SLC22A3: variants seen among roughly 807,000 people sequenced by gnomAD.
SLC22A3 encodes EMT organic cation transporter 3.
In SLC22A3, 51 loss-of-function variants were observed where a neutral mutation model predicts 59.1. That is an observed-to-expected ratio of 0.86 (90% confidence interval 0.69 to 1.09). The LOEUF is 1.09. Ranked by LOEUF, SLC22A3 falls within the 50% of genes least tolerant of loss-of-function variation. SLC22A3 has a pLI of 0.00. For synonymous variants in SLC22A3, 325 were observed against 292.0 expected (o/e 1.11, Z -1.15); for missense variants, 711 against 726.3 (o/e 0.98, Z 0.24).
At chr6:160,349,561 G>T (rs1234186859) in intron 1 of SLC22A3, among the ~76,000 whole-genome samples, 1 of 152,168 alleles carries the variant, frequency 6.6e-6, no homozygotes, top group African/African-American at 2.4e-5. Flanking sequence ...CCATTTACAG[G>T]CGGAGGCTGC....
At chr6:160,388,484 G>A (rs1786112553) in intron 1 of SLC22A3, among the ~76,000 whole-genome samples, 1 of 152,160 alleles carries the variant, frequency 6.6e-6, no homozygotes. Flanking sequence ...TGCTGTTGCT[G>A]CTAGACCAGG....
intron 9 of SLC22A3, among the ~76,000 whole-genome samples, chr6:160,445,811 G>GGCACTGAGCAGCAAGCCCCA (rs1788717095): frequency 1.3e-5 from 2 of 152,232 alleles, no homozygotes; most frequent in African/African-American, 4.8e-5. Flanking sequence ...AAGGCTGAGG[G>GGCACTGAGCAGCAAGCCCCA]TCTGCAGGGT....
intron 1 of SLC22A3, among the ~76,000 whole-genome samples, chr6:160,360,826 T>C (rs1054818242): frequency 2.0e-5 from 3 of 152,184 alleles, no homozygotes; most frequent in Non-Finnish European, 4.4e-5. Flanking sequence ...GGTGACAAGA[T>C]ATAGAGTGAT....
intron 1 of SLC22A3, among the ~76,000 whole-genome samples, chr6:160,369,658 A>T (rs539511129): frequency 5.5e-4 from 84 of 152,328 alleles, no homozygotes; most frequent in African/African-American, 1.9e-3. Context: ...TAACACATGT[A>T]CCCACCTCCC....
intron 5 of SLC22A3, among the ~76,000 whole-genome samples, chr6:160,419,762 G>A (rs899549578): frequency 6.6e-6 from 1 of 152,150 alleles, no homozygotes; most frequent in Non-Finnish European, 1.5e-5. Flanking sequence ...ACTGTAGTAT[G>A]TGTACCATCA....
rs770245699 is a variant in SLC22A3, at chr6:160,408,883, C to T, written c.819C>T (p.Ala273=). Residue 273 remains alanine, a synonymous_variant, in exon 4 of 11, where the codon GCC becomes GCT. Transcript: ENST00000275300. ...FIPNWQGIQL[A]ITLPSFLFLL... Reference sequence around the variant, plus strand: ...CCAACTGGCAAGGAATCCAGTTAGCCATCACGCTGCCCAGCTTTCTCTTCC... The same window carrying T: ...CCAACTGGCAAGGAATCCAGTTAGCTATCACGCTGCCCAGCTTTCTCTTCC... The T allele has an allele frequency of 9.3e-6, 15 of 1,613,624 alleles. No individual in the cohort carries two copies. The highest frequency in any genetic ancestry group is 1.3e-5 in the Non-Finnish European group (15 of 1,179,852).
chr6:160,353,454 C>T (rs487152), intron 1 of SLC22A3, among the ~76,000 whole-genome samples: 25 of 151,932 alleles, frequency 1.6e-4, no homozygotes, highest in Admixed American at 1.6e-3. Flanking sequence ...AAAATTGCAG[C>T]GATAATGTGA....
At chr6:160,369,776 A>G (rs1165170143) in intron 1 of SLC22A3, among the ~76,000 whole-genome samples, 1 of 152,214 alleles carries the variant, frequency 6.6e-6, no homozygotes. Flanking sequence ...TTGTGCGACA[A>G]ATTATCTCAA....
At chr6:160,374,952 C>A (rs1470032457) in intron 1 of SLC22A3, among the ~76,000 whole-genome samples, 2 of 152,194 alleles carry the variant, frequency 1.3e-5, no homozygotes, top group Non-Finnish European at 2.9e-5. Flanking sequence ...TGCCCAGGTG[C>A]ACTCCACAGA....
chr6:160,441,337 A>G (rs1788530822), intron 7 of SLC22A3, among the ~76,000 whole-genome samples: 1 of 152,174 alleles, frequency 6.6e-6, no homozygotes, highest in Non-Finnish European at 1.5e-5. Context: ...CAAAGCCTAA[A>G]TAACACATGT....
At chr6:160,407,400 G>A (rs947260679) in intron 3 of SLC22A3, among the ~76,000 whole-genome samples, 5 of 152,120 alleles carry the variant, frequency 3.3e-5, no homozygotes, top group African/African-American at 1.2e-4. Flanking sequence ...TACTTTGGGA[G>A]CCAAATATAG....
chr6:160,348,438 GC>G lies in SLC22A3; in HGVS notation c.20del (p.Ala7GlyfsTer21), dbSNP rs776214115. 6.6e-7 allele frequency: 1 copy of G among 1,518,050 alleles called. No individual in the cohort carries two copies. Among genetic ancestry groups the G allele is most frequent in the South Asian group, 1.2e-5 (1 of 81,300 alleles). 94.0% of individuals were successfully genotyped at this position (1,518,050 alleles called of 1,614,324 possible). A position where few individuals can be genotyped will look rare whatever the true frequency, so the allele number is the denominator to read the frequency against. ...GCGCACCATGCCCTCCTTCGACGAG[GC>G]GCTGCAGCGGGTGGGCGAGTTCGGG... MPSFDE[A>X]LQRVGEFGRF... On this transcript the variant is annotated frameshift_variant, in exon 1 of 11. Coordinates refer to ENST00000275300, the MANE Select transcript of SLC22A3 (RefSeq NM_021977.4). LOFTEE classifies it high-confidence loss of function.
chr6:160,431,565 G>A (rs903080584), intron 5 of SLC22A3, among the ~76,000 whole-genome samples: 2 of 151,860 alleles, frequency 1.3e-5, no homozygotes, highest in Non-Finnish European at 2.9e-5. Flanking sequence ...TCAACACCTC[G>A]TATTTTTTTT....
At chr6:160,348,990 ATTCAGC>A (rs1296356273) in intron 1 of SLC22A3, 142 bp downstream of exon 1, 5 of 1,506,018 alleles carry the variant, frequency 3.3e-6, no homozygotes, top group Non-Finnish European at 4.4e-6. Context: ...GACAGACAGG[ATTCAGC>A]GCACCCTTGG....
rs1015938124 is a variant in SLC22A3, at chr6:160,388,299, GA to G, written c.430-9671del. ...CAATACATGTCAGAGTGTACAATTA[GA>G]AAAAAAAATACAAACAATACATTAT... On this transcript the variant is annotated intron_variant, in intron 1 of 10. Transcript: ENST00000275300. Among the ~76,000 whole-genome samples the G allele has an allele frequency of 2.0e-5, 3 of 151,206 alleles. No individual in the cohort carries two copies. The South Asian group carries it at 6.3e-4, about 32-fold the overall frequency.
chr6:160,362,542 T>C (rs1303581562), intron 1 of SLC22A3, among the ~76,000 whole-genome samples: 4 of 152,334 alleles, frequency 2.6e-5, no homozygotes, highest in African/African-American at 9.6e-5. Context: ...CATGTGAGTT[T>C]CCAGGGAAGC....
intron 1 of SLC22A3, among the ~76,000 whole-genome samples, chr6:160,362,104 C>T (rs929854271): frequency 5.3e-5 from 8 of 152,194 alleles, no homozygotes; most frequent in Non-Finnish European, 8.8e-5. Context: ...GGGGGTGTCA[C>T]CTGGCTGCAA....
At chr6:160,373,363 G>A (rs889329629) in intron 1 of SLC22A3, among the ~76,000 whole-genome samples, 2 of 152,136 alleles carry the variant, frequency 1.3e-5, no homozygotes, top group African/African-American at 2.4e-5. Context: ...ATTTCTACCT[G>A]TTTCTTCCTC....
intron 8 of SLC22A3, 44 bp downstream of exon 8, chr6:160,442,913 G>A (rs746290271): frequency 1.4e-6 from 2 of 1,442,350 alleles, no homozygotes; most frequent in Non-Finnish European, 2.0e-6. Flanking sequence ...TAACTCTGTA[G>A]ACCAGCGTTT....
Sources: allele counts gnomAD v4.1 joint callset (sites outside exome capture counted in the v4.1 genomes callset), GRCh38; gene constraint gnomAD v4.1.1; transcripts MANE v1.5; gene names NCBI Gene and HGNC (gene_info 2026-07-23, HGNC 2026-07-21).